BAALC: variants seen among roughly 807,000 people sequenced by gnomAD.
BAALC encodes brain and acute leukemia cytoplasmic protein.
In BAALC, 9 loss-of-function variants were observed where a neutral mutation model predicts 15.5. That is an observed-to-expected ratio of 0.58 (90% CI 0.35 to 1.02). BAALC has a LOEUF of 1.02. Ranked by LOEUF, BAALC falls within the 50% of genes least tolerant of loss-of-function variation. The pLI is 0.02. For missense variants in BAALC, 201 were observed against 192.4 expected (o/e 1.04, Z -0.27); for synonymous variants, 80 against 74.6 (o/e 1.07, Z -0.37).
intron 1 of BAALC, among the ~76,000 whole-genome samples, chr8:103,153,830 G>C (rs935623657): frequency 6.6e-6 from 1 of 152,176 alleles, no homozygotes; most frequent in Non-Finnish European, 1.5e-5. Context: ...AGGGCTTGTG[G>C]ACTTTAGGGC....
chr8:103,198,439 T>C (rs947075700), intron 1 of BAALC, among the ~76,000 whole-genome samples: 1 of 152,214 alleles, frequency 6.6e-6, no homozygotes, highest in Non-Finnish European at 1.5e-5. Flanking sequence ...AGAAATGTTA[T>C]AGATAATGCC....
chr8:103,208,069 A>AT (rs1392467085), intron 1 of BAALC: 1 of 152,242 alleles, frequency 6.6e-6, no homozygotes, highest in African/African-American at 2.4e-5. Context: ...CTGTTTCATC[A>AT]TACTCAGTAA....
intron 2 of BAALC, among the ~76,000 whole-genome samples, chr8:103,217,881 CA>C (rs1328502429): frequency 6.6e-6 from 1 of 152,144 alleles, no homozygotes; most frequent in African/African-American, 2.4e-5. Flanking sequence ...GCCAAGGATC[CA>C]GGGGTAGAAA....
intron 1 of BAALC, among the ~76,000 whole-genome samples, chr8:103,168,713 T>C (rs1243001854): frequency 6.6e-6 from 1 of 152,112 alleles, no homozygotes; most frequent in Admixed American, 6.6e-5. Flanking sequence ...CTTGACTCTT[T>C]CTTTGACATT....
intron 1 of BAALC, among the ~76,000 whole-genome samples, chr8:103,180,131 T>C (rs1811693412): frequency 6.6e-6 from 1 of 152,110 alleles, no homozygotes; most frequent in Non-Finnish European, 1.5e-5. Context: ...AAGGAGCAGA[T>C]TTATAGCCAA....
intron 1 of BAALC, among the ~76,000 whole-genome samples, chr8:103,210,495 C>T (rs1344480346): frequency 6.6e-6 from 1 of 152,198 alleles, no homozygotes; most frequent in African/African-American, 2.4e-5. Flanking sequence ...CAGTCAACAC[C>T]CTCCCGCCCT....
intron 2 of BAALC, among the ~76,000 whole-genome samples, chr8:103,222,373 G>T (rs1163448514): frequency 2.0e-5 from 3 of 152,060 alleles, no homozygotes; most frequent in African/African-American, 7.2e-5. Flanking sequence ...TATATTTTGG[G>T]GTAAAACATT....
chr8:103,222,811 G>GA (rs1340817530), intron 2 of BAALC, among the ~76,000 whole-genome samples: 1 of 152,158 alleles, frequency 6.6e-6, no homozygotes, highest in Non-Finnish European at 1.5e-5. Flanking sequence ...ACAACTTTTA[G>GA]AGTTATTGTT....
chr8:103,151,728 T>C (rs1810992284), intron 1 of BAALC, among the ~76,000 whole-genome samples: 1 of 151,098 alleles, frequency 6.6e-6, no homozygotes, highest in Non-Finnish European at 1.5e-5. Flanking sequence ...TAATAGCCCC[T>C]GATGCTATCC....
chr8:103,157,932 C>A (rs1811134108), intron 1 of BAALC, among the ~76,000 whole-genome samples: 1 of 152,094 alleles, frequency 6.6e-6, no homozygotes, highest in African/African-American at 2.4e-5. Context: ...AACCACAATA[C>A]CATTATCACA....
rs1223686709 is a variant in BAALC at position 103,145,640 on chromosome 8, T to G, written c.160+4583T>G. ...CTGCTGTTGTTGTTGCCATATTACC[T>G]TGAAGACTCACATTAAGCTTATGAT... On this transcript the variant is annotated intron_variant, in intron 1 of 2. Coordinates refer to ENST00000309982, the MANE Select transcript of BAALC (RefSeq NM_024812.3). Among the ~76,000 whole-genome samples the G allele has an allele frequency of 9.2e-5, 14 of 152,396 alleles. No homozygotes were observed. In the East Asian group the frequency reaches 2.7e-3, roughly 29 times the overall value.
chr8:103,228,677 C>A lies in BAALC; in HGVS notation c.*578C>A, dbSNP rs145619783. ...TTCCTTAGCTTGGTATGAGACAGAT[C>A]GGATCCAGTTTCCCATGCACCAACC... On this transcript the variant is annotated 3_prime_UTR_variant, in exon 3 of 3. Transcript: ENST00000309982. The A allele has an allele frequency of 2.6e-5, 4 of 152,350 alleles. No homozygotes were observed. Among genetic ancestry groups the A allele is most frequent in the Non-Finnish European group, 5.9e-5 (4 of 68,180 alleles). The allele number at this position is 152,350 out of a possible 1,614,324, so 9.4% of individuals were successfully genotyped here.
chr8:103,221,588 C>T (rs547916243), intron 2 of BAALC, among the ~76,000 whole-genome samples: 5 of 151,900 alleles, frequency 3.3e-5, no homozygotes, highest in East Asian at 3.9e-4. Flanking sequence ...GGGGAAAATA[C>T]GTTGTATAAA....
intron 1 of BAALC, among the ~76,000 whole-genome samples, chr8:103,197,838 A>AT (rs1339683918): frequency 6.6e-6 from 1 of 152,110 alleles, no homozygotes; most frequent in East Asian, 1.9e-4. Flanking sequence ...TAAGCCATTC[A>AT]TGAAGGATAT....
chr8:103,202,544 TACAGAAGGTACAC>T (rs886636226), intron 1 of BAALC, among the ~76,000 whole-genome samples: 5 of 152,174 alleles, frequency 3.3e-5, no homozygotes, highest in Admixed American at 6.5e-5. Context: ...AGCAGACTAA[TACAGAAGGTACAC>T]ATTTTAAAAG....
intron 1 of BAALC, chr8:103,198,071 A>C: frequency 1.4e-6 from 1 of 693,652 alleles, no homozygotes; most frequent in Non-Finnish European, 2.6e-6. Context: ...AACAACTATA[A>C]TTTTTTTCCA....
chr8:103,164,982 C>T (rs1195674801), intron 1 of BAALC, among the ~76,000 whole-genome samples: 1 of 152,182 alleles, frequency 6.6e-6, no homozygotes, highest in Non-Finnish European at 1.5e-5. Context: ...TAGGAACACA[C>T]TAACTTTGGT....
At chr8:103,204,890 G>C (rs1360637063) in intron 1 of BAALC, among the ~76,000 whole-genome samples, 1 of 152,166 alleles carries the variant, frequency 6.6e-6, no homozygotes, top group Non-Finnish European at 1.5e-5. Context: ...CAAATTCTTA[G>C]TAAGTGGCTG....
At chr8:103,219,818 C>T (rs1328509810) in intron 2 of BAALC, among the ~76,000 whole-genome samples, 1 of 152,212 alleles carries the variant, frequency 6.6e-6, no homozygotes, top group African/African-American at 2.4e-5. Flanking sequence ...ATCTTCCTTT[C>T]ATGAGACCTG....
Sources: allele counts gnomAD v4.1 joint callset (sites outside exome capture counted in the v4.1 genomes callset), GRCh38; gene constraint gnomAD v4.1.1; transcripts MANE v1.5; gene names NCBI Gene and HGNC (gene_info 2026-07-23, HGNC 2026-07-21).